PLPP3: variants seen among roughly 807,000 people sequenced by gnomAD.
The protein encoded by PLPP3 is PAP2 beta.
Under a neutral mutation model 29.6 loss-of-function variants are expected in PLPP3, and 6 were observed. The ratio of observed to expected loss-of-function variants is 0.20; its 90% CI spans 0.11 to 0.40. The LOEUF is 0.40. PLPP3 is among the 10% of genes least tolerant of loss of function. PLPP3 has a pLI of 1.00. For synonymous variants in PLPP3, 152 were observed against 159.7 expected (o/e 0.95, Z 0.36); for missense variants, 308 against 407.7 (o/e 0.76, Z 2.11).
At position 56,557,260 on chromosome 1, in the gene PLPP3, C is replaced by T. The variant is rs181841527; in HGVS notation, c.140-20148G>A. Reference sequence around the variant, plus strand: ...GGGCATGGTGGTAGGCACCTGTAACCCCAGCTACTCGGGAGGTTGAGGCAG... The same window carrying T: ...GGGCATGGTGGTAGGCACCTGTAACTCCAGCTACTCGGGAGGTTGAGGCAG... On this transcript the variant is annotated intron_variant, in intron 1 of 5. Transcript: ENST00000371250. Among the ~76,000 whole-genome samples, 476 of 151,230 alleles carry T rather than the reference C, an allele frequency of 3.1e-3. 1 individual carries two copies. The highest frequency in any genetic ancestry group is 0.027 in the Middle Eastern group (8 of 294).
intron 1 of PLPP3, among the ~76,000 whole-genome samples, chr1:56,568,553 G>C (rs745537435): frequency 2.0e-5 from 3 of 152,212 alleles, no homozygotes; most frequent in Non-Finnish European, 2.9e-5. Flanking sequence ...CATTTAAAGT[G>C]TTTCTGGAAG....
At chr1:56,530,537 T>C (rs1230794886) in intron 2 of PLPP3, among the ~76,000 whole-genome samples, 2 of 152,222 alleles carry the variant, frequency 1.3e-5, no homozygotes. Context: ...AGCATATGAC[T>C]GACAAAGATG....
chr1:56,514,730 AT>A (rs1331600486), intron 4 of PLPP3, among the ~76,000 whole-genome samples: 1 of 152,180 alleles, frequency 6.6e-6, no homozygotes, highest in Non-Finnish European at 1.5e-5. Flanking sequence ...CAATTGGAAA[AT>A]ATTACTGTAA....
At chr1:56,503,679 C>T (rs1368757243) in intron 5 of PLPP3, among the ~76,000 whole-genome samples, 1 of 151,968 alleles carries the variant, frequency 6.6e-6, no homozygotes, top group African/African-American at 2.4e-5. Context: ...AACTCCATCT[C>T]CAAAAAAAAC....
At chr1:56,537,228 G>T in intron 1 of PLPP3, 116 bp from the exon 2 acceptor site, 1 of 1,157,368 alleles carries the variant, frequency 8.6e-7, no homozygotes, top group Non-Finnish European at 1.2e-6. Flanking sequence ...CACTGAGAGT[G>T]ATAATCGTTC....
chr1:56,534,569 C>T (rs1268898757), intron 2 of PLPP3, among the ~76,000 whole-genome samples: 1 of 152,136 alleles, frequency 6.6e-6, no homozygotes, highest in African/African-American at 2.4e-5. Context: ...GCTCTGGGCC[C>T]CTCCACCCTC....
intron 1 of PLPP3, among the ~76,000 whole-genome samples, chr1:56,575,107 C>T (rs1458068315): frequency 2.7e-5 from 4 of 146,980 alleles, no homozygotes; most frequent in South Asian, 2.5e-4. Context: ...TATGTCAAGT[C>T]TCTAACGTCA....
intron 4 of PLPP3, chr1:56,512,647 T>C (rs1645751420): frequency 6.6e-6 from 1 of 152,328 alleles, no homozygotes; most frequent in Admixed American, 6.6e-5. Context: ...AGTAAATAAA[T>C]AAATAAATGC....
intron 5 of PLPP3, among the ~76,000 whole-genome samples, chr1:56,506,464 C>A (rs370505529): frequency 6.6e-6 from 1 of 152,172 alleles, no homozygotes; most frequent in African/African-American, 2.4e-5. Flanking sequence ...AAAAGAGCAA[C>A]GGCAAGCGGA....
rs140324867 is a variant in PLPP3, at chr1:56,498,921, C to T, written c.811-2245G>A. 7.1e-3 allele frequency among the ~76,000 whole-genome samples: 1,082 copies of T among 152,258 alleles called. 10 individuals carry two copies. The highest frequency in any genetic ancestry group is 0.022 in the African/African-American group (933 of 41,566). ...AACTGGGATTACAGGTGTGAGCCAC[C>T]GTGCCTGGCCCATCACTACTTTTAA... On this transcript the variant is annotated intron_variant, in intron 5 of 5. Transcript: ENST00000371250.
Position 56,512,032 on chromosome 1 carries a change from G to A in PLPP3, c.754C>T (p.His252Tyr), listed in dbSNP as rs754638009. 2 of 1,613,510 alleles carry A rather than the reference G, an allele frequency of 1.2e-6. No individual in the cohort carries two copies. Among genetic ancestry groups the A allele is most frequent in the East Asian group, 2.2e-5 (1 of 44,774 alleles). ...GLSRVSDHKH[H>Y]PSDVLAGFAQ... ...AATCCTGCCAGAACATCACTGGGAT[G>A]GTGCTTGTGGTCTGATACGCGAGAC... Residue 252 changes from histidine (H) to tyrosine (Y), a missense_variant, in exon 5 of 6, where the codon CAT becomes TAT. Physicochemically the swap from His to Tyr is moderately conservative, Grantham distance 83. Around this residue, in one of 3 missense-constraint regions of PLPP3, gnomAD observed 232 missense variants for 317.2 expected, o/e 0.73. Transcript: ENST00000371250.
At chr1:56,574,198 CAA>C (rs796800020) in intron 1 of PLPP3, among the ~76,000 whole-genome samples, 5 of 109,900 alleles carry the variant, frequency 4.5e-5, no homozygotes, top group Admixed American at 9.2e-5. Context: ...GACTCTGTCT[CAA>C]AAAAAAAAAA....
chr1:56,504,050 G>C (rs1645685812), intron 5 of PLPP3, among the ~76,000 whole-genome samples: 1 of 152,186 alleles, frequency 6.6e-6, no homozygotes, highest in African/African-American at 2.4e-5. Flanking sequence ...GGGATTACAG[G>C]TGTAAGCCAC....
In PLPP3 at chr1:56,524,615, G is replaced by C; in HGVS notation, c.298-61C>G. ...AAGATTCATCATCAACACTGATGCC[G>C]TAACGGATATTCAACAACACAGGAG... On this transcript the variant is annotated intron_variant, in intron 2 of 5. Transcript: ENST00000371250. The surrounding 1 kb of genome is among the most constrained non-coding windows in gnomAD (Gnocchi z 4.3). 6.5e-7 allele frequency: 1 copy of C among 1,532,212 alleles called. No homozygotes were observed. The highest frequency in any genetic ancestry group is 1.2e-5 in the South Asian group (1 of 85,270). The allele number at this position is 1,532,212 out of a possible 1,614,324, so 94.9% of individuals were successfully genotyped here.
At chr1:56,500,443 G>A (rs1645659575) in intron 5 of PLPP3, among the ~76,000 whole-genome samples, 2 of 152,198 alleles carry the variant, frequency 1.3e-5, no homozygotes, top group African/African-American at 4.8e-5. Context: ...GGATAAGGAG[G>A]AGTTAACCAG....
chr1:56,512,167 CA>C lies in PLPP3; in HGVS notation c.634-16del. Reference sequence around the variant, plus strand: ...TGCAGGTATAGCTGGAGAAAGGAGACAAAAAGGAACAGACATTAAGTGACTC... The same window carrying C: ...TGCAGGTATAGCTGGAGAAAGGAGACAAAAGGAACAGACATTAAGTGACTC... On this transcript the variant is annotated splice_polypyrimidine_tract_variant and intron_variant, in intron 4 of 5. Transcript: ENST00000371250. 3 of 1,563,346 alleles carry C rather than the reference CA, an allele frequency of 1.9e-6. No homozygotes were observed. Among genetic ancestry groups the C allele is most frequent in the Non-Finnish European group, 1.7e-6 (2 of 1,160,698 alleles).
chr1:56,535,420 G>C (rs1645920153), intron 2 of PLPP3, among the ~76,000 whole-genome samples: 1 of 152,162 alleles, frequency 6.6e-6, no homozygotes, highest in Admixed American at 6.5e-5. Context: ...CGGAACTATA[G>C]GAAAGCACTA....
chr1:56,497,899 G>T (rs949861124), intron 5 of PLPP3, among the ~76,000 whole-genome samples: 1 of 152,160 alleles, frequency 6.6e-6, no homozygotes, highest in Non-Finnish European at 1.5e-5. Flanking sequence ...GGTGATGCTC[G>T]TTACCTCAAG....
chr1:56,530,088 T>C (rs1645877472), intron 2 of PLPP3, among the ~76,000 whole-genome samples: 1 of 151,840 alleles, frequency 6.6e-6, no homozygotes, highest in Non-Finnish European at 1.5e-5. Flanking sequence ...TTCTGCAGCA[T>C]TGCCTACTGC....
Sources: gnomAD v4.1 joint callset for allele counts (sites outside exome capture counted in the v4.1 genomes callset) on GRCh38, gnomAD v4.1.1 for gene constraint, gnomAD v4.1.1 regional missense constraint, Gnocchi (gnomAD v3.1) non-coding constraint, MANE v1.5 for transcripts, NCBI Gene and HGNC (gene_info 2026-07-23, HGNC 2026-07-21) for gene names.